The following APBB1IP variants were observed in gnomAD, a reference collection of about 807,000 sequenced individuals.
APBB1IP encodes the protein amyloid beta precursor protein binding family B member 1 interacting protein, also known as amyloid beta A4 precursor protein-binding family B member 1-interacting protein.
Under a neutral mutation model 64.9 loss-of-function variants are expected in APBB1IP, and 27 were observed. That is an observed-to-expected ratio of 0.42 (90% CI 0.31 to 0.57). The LOEUF is 0.57. Ranked by LOEUF, APBB1IP falls within the 20% of genes least tolerant of loss-of-function variation. The probability of loss-of-function intolerance (pLI) is 0.20; values close to 1 mark genes in which losing one functional copy is unlikely to be tolerated. For synonymous variants in APBB1IP, 392 were observed against 331.0 expected, an observed-to-expected ratio of 1.18 and a Z score of -2.00; for missense variants, 812 against 845.5, an observed-to-expected ratio of 0.96 and a Z score of 0.49.
intron 10 of APBB1IP, among the ~76,000 whole-genome samples, chr10:26,536,850 GC>G (rs918196011): frequency 8.6e-5 from 13 of 151,828 alleles, no homozygotes; most frequent in Admixed American, 3.9e-4. Flanking sequence ...CAAGCAATCT[GC>G]CCGCCTCACT....
chr10:26,501,878 A>G (rs1394213945), intron 5 of APBB1IP: 1 of 152,216 alleles, frequency 6.6e-6, no homozygotes, highest in Non-Finnish European at 1.5e-5. Flanking sequence ...AAGGTCATAC[A>G]ATGCCTTTTG....
intron 2 of APBB1IP, among the ~76,000 whole-genome samples, chr10:26,489,512 G>A (rs374396858): frequency 6.6e-6 from 1 of 152,174 alleles, no homozygotes; most frequent in African/African-American, 2.4e-5. Context: ...GCTTTGCAGG[G>A]TGGATATTTG....
intron 2 of APBB1IP, among the ~76,000 whole-genome samples, chr10:26,445,128 AAAAGAAAGAAAGAAAGAAAGAAAG>A (rs762345104): frequency 0.013 from 1,356 of 102,174 alleles, 5 homozygotes; most frequent in Non-Finnish European, 0.017. Context: ...AGAAAGAAAG[AAAAGAAAGAAAGAAAGAAAGAAAG>A]AAAGAAAGAA....
intron 5 of APBB1IP, chr10:26,501,551 G>A (rs1836100311): frequency 4.8e-6 from 1 of 207,204 alleles, no homozygotes; most frequent in African/African-American, 2.3e-5. Context: ...TGTTCAGTAG[G>A]ACAGGTACAT....
intron 2 of APBB1IP, among the ~76,000 whole-genome samples, chr10:26,449,521 T>C (rs1486795662): frequency 6.6e-6 from 1 of 152,190 alleles, no homozygotes; most frequent in East Asian, 1.9e-4. Flanking sequence ...CAGGAACTGT[T>C]GTTTTGTTTT....
intron 2 of APBB1IP, among the ~76,000 whole-genome samples, chr10:26,454,760 G>A (rs975778521): frequency 6.6e-6 from 1 of 152,144 alleles, no homozygotes. Context: ...TGCTGGAGGG[G>A]ACGGATACCT....
chr10:26,500,816 T>A lies in APBB1IP; in HGVS notation c.161-3T>A. 1 of 1,610,898 alleles carries A rather than the reference T, an allele frequency of 6.2e-7. No individual in the cohort carries two copies. Among genetic ancestry groups the A allele is most frequent in the Non-Finnish European group, 8.5e-7 (1 of 1,177,666 alleles). ...ATACCATTAATGTGATTTTCCCTACTAGAGTCCTTAAATGCACTGGAAGAC... is the reference window on the plus strand; with the variant it reads ...ATACCATTAATGTGATTTTCCCTACAAGAGTCCTTAAATGCACTGGAAGAC... On this transcript the variant is annotated splice_region_variant and splice_polypyrimidine_tract_variant and intron_variant, in intron 4 of 14. Transcript: ENST00000376236.
chr10:26,547,418 GGTTT>G (rs953276290), intron 11 of APBB1IP, among the ~76,000 whole-genome samples: 6 of 151,554 alleles, frequency 4.0e-5, no homozygotes, highest in South Asian at 2.1e-4. Context: ...TCTTTTTGTT[GGTTT>G]GTTTGTTTGT....
intron 8 of APBB1IP, among the ~76,000 whole-genome samples, chr10:26,517,817 C>T (rs1322244212): frequency 1.3e-5 from 2 of 152,200 alleles, no homozygotes; most frequent in East Asian, 3.8e-4. Flanking sequence ...TAGCGTGGGG[C>T]TTTAACAAGT....
chr10:26,496,873 C>T (rs1366647743), intron 4 of APBB1IP, among the ~76,000 whole-genome samples: 1 of 151,360 alleles, frequency 6.6e-6, no homozygotes, highest in African/African-American at 2.4e-5. Flanking sequence ...TTTTCCTGAA[C>T]TTGTCACTTT....
At position 26,560,079 on chromosome 10, in the gene APBB1IP, A is replaced by G. The variant is rs747238966; in HGVS notation, c.1156-26A>G. ...CTCCTAATACATGACAAGTGAATAC[A>G]TTGTCTCGAAACTGCTTCTTTCTAG... On this transcript the variant is annotated intron_variant, in intron 11 of 14. Coordinates refer to ENST00000376236, the MANE Select transcript of APBB1IP (RefSeq NM_019043.4). 22 of 1,578,288 alleles carry G rather than the reference A, an allele frequency of 1.4e-5. No homozygotes were observed. In the Admixed American group the frequency reaches 3.7e-4, roughly 26 times the overall value.
chr10:26,508,257 C>A (rs1353563224), intron 6 of APBB1IP, among the ~76,000 whole-genome samples: 1 of 152,054 alleles, frequency 6.6e-6, no homozygotes, highest in Non-Finnish European at 1.5e-5. Flanking sequence ...TTTTGAATTA[C>A]AAATGATGTA....
At position 26,562,363 on chromosome 10, in the gene APBB1IP, T is replaced by G. The variant is rs1006407106; in HGVS notation, c.1407T>G (p.Ile469Met). The change falls in exon 14 of 15, where the codon ATT becomes ATG. Residue 469 changes from isoleucine (I) to methionine (M), a missense_variant. By Grantham distance (10) the Ile-to-Met change is conservative (BLOSUM62 1). Around this residue, in one of 3 missense-constraint regions of APBB1IP, gnomAD observed 381 missense variants for 352.1 expected, o/e 1.08. Transcript: ENST00000376236. The part of the protein sequence containing the change: ...KTGTTQPNGQ[I>M]PQATHSVSAV... Reference sequence around the variant, plus strand: ...GCACCACCCAGCCCAATGGACAGATTCCCCAGGCTACACATTCTGTCAGTG... The same window carrying G: ...GCACCACCCAGCCCAATGGACAGATGCCCCAGGCTACACATTCTGTCAGTG... 3.1e-6 allele frequency: 5 copies of G among 1,613,810 alleles called. No individual in the cohort carries two copies. The South Asian group carries it at 3.3e-5, about 11-fold the overall frequency.
At chr10:26,493,127 A>G (rs1835978145) in intron 3 of APBB1IP, among the ~76,000 whole-genome samples, 1 of 152,192 alleles carries the variant, frequency 6.6e-6, no homozygotes, top group Non-Finnish European at 1.5e-5. Flanking sequence ...TTCGGTAATA[A>G]GAGAAATATG....
At chr10:26,552,428 G>A (rs182327516) in intron 11 of APBB1IP, among the ~76,000 whole-genome samples, 2 of 151,982 alleles carry the variant, frequency 1.3e-5, no homozygotes, top group East Asian at 1.9e-4. Flanking sequence ...GGAGACCCCC[G>A]TCTCTACAAA....
At chr10:26,467,213 G>A (rs1835658869) in intron 2 of APBB1IP, among the ~76,000 whole-genome samples, 1 of 152,010 alleles carries the variant, frequency 6.6e-6, no homozygotes, top group Non-Finnish European at 1.5e-5. Context: ...GCCTTCTAAT[G>A]CATTTTTAAC....
intron 14 of APBB1IP, 151 bp from the exon 15 acceptor site, chr10:26,566,810 C>T: frequency 1.2e-6 from 1 of 828,924 alleles, no homozygotes; most frequent in Non-Finnish European, 1.8e-6. Context: ...ATTGCTTGAG[C>T]TCGGGAGGTC....
chr10:26,560,320 A>T (rs1836950924), intron 12 of APBB1IP, 117 bp downstream of exon 12: 1 of 933,944 alleles, frequency 1.1e-6, no homozygotes, highest in Admixed American at 2.0e-5. Flanking sequence ...AGCCACAGAC[A>T]TTATCAGGTT....
chr10:26,446,851 C>T (rs1239125930), intron 2 of APBB1IP, among the ~76,000 whole-genome samples: 1 of 112,856 alleles, frequency 8.9e-6, no homozygotes, highest in East Asian at 2.9e-4. Context: ...CAGAGCAAAA[C>T]CTGTAGATAG....
Sources: gnomAD v4.1 joint callset for allele counts (sites outside exome capture counted in the v4.1 genomes callset) on GRCh38, gnomAD v4.1.1 for gene constraint, gnomAD v4.1.1 regional missense constraint, MANE v1.5 for transcripts, NCBI Gene and HGNC (gene_info 2026-07-23, HGNC 2026-07-21) for gene names.